The following FRMD4A variants were observed in gnomAD, a reference collection of about 807,000 sequenced individuals.
The protein encoded by FRMD4A is FERM domain containing 4A.
A neutral mutation model predicts 129.1 loss-of-function variants in FRMD4A; 29 were observed. The ratio of observed to expected loss-of-function variants is 0.22; its 90% CI spans 0.17 to 0.31. The LOEUF (loss-of-function observed/expected upper bound fraction) is 0.31, where lower values mean the gene tolerates loss of function less well. Ranked by LOEUF, FRMD4A falls within the 10% of genes least tolerant of loss-of-function variation. The pLI is 1.00. For synonymous variants in FRMD4A, 634 were observed against 571.6 expected (o/e 1.11, Z -1.56); for missense variants, 1,272 against 1,375.8 (o/e 0.92, Z 1.19).
chr10:14,110,593 C>G (rs1010410879), intron 2 of FRMD4A, among the ~76,000 whole-genome samples: 1 of 152,134 alleles, frequency 6.6e-6, no homozygotes, highest in African/African-American at 2.4e-5. Context: ...AATGGTCCAT[C>G]TAGTCACCTG....
intron 2 of FRMD4A, among the ~76,000 whole-genome samples, chr10:14,141,573 C>T (rs548530060): frequency 1.1e-5 from 1 of 91,532 alleles, no homozygotes; most frequent in East Asian, 5.4e-4. Flanking sequence ...GCCCCTAACC[C>T]CTTCTCTACC....
chr10:13,868,821 T>A (rs774793216), intron 2 of FRMD4A, among the ~76,000 whole-genome samples: 3 of 151,852 alleles, frequency 2.0e-5, no homozygotes, highest in Non-Finnish European at 2.9e-5. Flanking sequence ...ACAAAACACA[T>A]GCAGGTGTGT....
intron 21 of FRMD4A, among the ~76,000 whole-genome samples, chr10:13,657,790 T>TG (rs1554826512): frequency 2.0e-5 from 3 of 147,750 alleles, no homozygotes; most frequent in East Asian, 2.0e-4. Flanking sequence ...ATTTCTGGGT[T>TG]TTTTTTTTTT....
At chr10:14,093,561 A>G (rs1373184233) in intron 2 of FRMD4A, among the ~76,000 whole-genome samples, 1 of 152,188 alleles carries the variant, frequency 6.6e-6, no homozygotes, top group Non-Finnish European at 1.5e-5. Flanking sequence ...ACCCACTCAT[A>G]CATAATAAAG....
intron 2 of FRMD4A, among the ~76,000 whole-genome samples, chr10:14,131,321 G>C (rs374803924): frequency 6.6e-6 from 1 of 152,130 alleles, no homozygotes; most frequent in South Asian, 2.1e-4. Flanking sequence ...AGGAACTCTA[G>C]AATGAACAGA....
At chr10:14,255,518 G>A (rs10906638) in intron 2 of FRMD4A, among the ~76,000 whole-genome samples, 7,787 of 152,264 alleles carry the variant, frequency 0.051, 229 homozygotes, top group South Asian at 0.12. Flanking sequence ...GCACCACGAT[G>A]TTCAGAGTTT....
rs572404472 is a variant in FRMD4A at position 13,770,245 on chromosome 10, T to C, written c.385-7565A>G. Among the ~76,000 whole-genome samples, 18 of 152,108 alleles carry C rather than the reference T, an allele frequency of 1.2e-4. 1 individual carries two copies. The South Asian group carries it at 3.1e-3, about 26-fold the overall frequency. On this transcript the variant is annotated intron_variant, in intron 6 of 24. Transcript: ENST00000357447. ...ATCTCGCACAATTCCTCATTCTTAG[T>C]CCTCTGCCAGTTTTTCAGCATCAAG...
chr10:13,714,862 C>T (rs1430753493), intron 12 of FRMD4A, among the ~76,000 whole-genome samples: 1 of 150,014 alleles, frequency 6.7e-6, no homozygotes, highest in Non-Finnish European at 1.5e-5. Context: ...ACATGGTGAA[C>T]CTCTGTCTCT....
rs186358319 is a variant in FRMD4A at position 13,764,922 on chromosome 10, G to C, written c.385-2242C>G. On this transcript the variant is annotated intron_variant, in intron 6 of 24. Coordinates refer to ENST00000357447, the MANE Select transcript of FRMD4A (RefSeq NM_018027.5). ...GGCCTTAATGGCACTTAAGGGGCCG[G>C]GAACAGACCCCCTACTACTTGTCCA... is the stretch of plus-strand genomic sequence containing the variant. Among the ~76,000 whole-genome samples the C allele has an allele frequency of 3.6e-3, 544 of 152,166 alleles. 1 individual carries two copies. The highest frequency in any genetic ancestry group is 5.8e-3 in the South Asian group (28 of 4,814).
chr10:13,775,728 G>A (rs779403664), intron 6 of FRMD4A, among the ~76,000 whole-genome samples: 3 of 152,214 alleles, frequency 2.0e-5, no homozygotes, highest in Non-Finnish European at 4.4e-5. Flanking sequence ...GAGGTTGGAG[G>A]AGTCTAAGAG....
chr10:14,219,222 C>T (rs1219107909), intron 2 of FRMD4A, among the ~76,000 whole-genome samples: 3 of 152,056 alleles, frequency 2.0e-5, no homozygotes, highest in East Asian at 1.9e-4. Flanking sequence ...AGGGTAGGTT[C>T]CCTTTGTGAC....
At chr10:13,756,949 G>A (rs2091890885) in intron 8 of FRMD4A, among the ~76,000 whole-genome samples, 1 of 152,148 alleles carries the variant, frequency 6.6e-6, no homozygotes, top group African/African-American at 2.4e-5. Flanking sequence ...ACTTTTTAAG[G>A]AAGAGAACAT....
chr10:14,158,632 A>G (rs1347245571), intron 2 of FRMD4A, among the ~76,000 whole-genome samples: 1 of 151,964 alleles, frequency 6.6e-6, no homozygotes, highest in Non-Finnish European at 1.5e-5. Context: ...AAATAAAAAA[A>G]AAGAAAGAGG....
At chr10:13,881,447 T>A (rs1030989078) in intron 2 of FRMD4A, among the ~76,000 whole-genome samples, 2 of 150,862 alleles carry the variant, frequency 1.3e-5, no homozygotes, top group East Asian at 3.9e-4. Flanking sequence ...AGAAAGAGAG[T>A]TGTCACACTA....
At position 13,643,787 on chromosome 10, in the gene FRMD4A, C is replaced by A. The variant is rs1199177518; in HGVS notation, c.*3251G>T. On this transcript the variant is annotated 3_prime_UTR_variant, in exon 25 of 25. Transcript: ENST00000357447. The stretch of plus-strand genomic sequence containing the variant: ...AAAGGTACTATACAAATTCTTAATA[C>A]AAAAAGAATAAATTAAAAGCAGATT... 1 of 152,610 alleles carries A rather than the reference C, an allele frequency of 6.6e-6. No homozygotes were observed. The highest frequency in any genetic ancestry group is 6.5e-5 in the Admixed American group (1 of 15,274). The allele number at this position is 152,610 out of a possible 1,614,324, so 9.5% of individuals were successfully genotyped here.
In FRMD4A at chr10:13,646,264, AAAG is replaced by A. The variant is rs763004159; in HGVS notation, c.*771_*773del. 1 of 152,658 alleles carries A rather than the reference AAAG, an allele frequency of 6.6e-6. No homozygotes were observed. Among genetic ancestry groups the A allele is most frequent in the Non-Finnish European group, 1.5e-5 (1 of 68,050 alleles). 9.5% of individuals were successfully genotyped at this position (152,658 alleles called of 1,614,324 possible). A position where few individuals can be genotyped will look rare whatever the true frequency, so the allele number is the denominator to read the frequency against. On this transcript the variant is annotated 3_prime_UTR_variant, in exon 25 of 25. Transcript: ENST00000357447. ...GTGTGTAGTAGCAGTTCAGAATTTAAAAGAAATTTCCTTGCAGAAAGAATGTCT... is the reference window on the plus strand; with the variant it reads ...GTGTGTAGTAGCAGTTCAGAATTTAAAAATTTCCTTGCAGAAAGAATGTCT...
chr10:14,310,377 G>C (rs1341731535), intron 2 of FRMD4A, among the ~76,000 whole-genome samples: 1 of 152,194 alleles, frequency 6.6e-6, no homozygotes, highest in African/African-American at 2.4e-5. Context: ...GGGTCAAAGA[G>C]TCCTCGGCAG....
At chr10:14,228,368 A>G (rs576599259) in intron 2 of FRMD4A, among the ~76,000 whole-genome samples, 2 of 151,910 alleles carry the variant, frequency 1.3e-5, no homozygotes, top group Non-Finnish European at 2.9e-5. Context: ...GCTTAAGTTT[A>G]TTGTTTGAGC....
chr10:13,865,563 A>T (rs889523621), intron 2 of FRMD4A, among the ~76,000 whole-genome samples: 20 of 151,460 alleles, frequency 1.3e-4, no homozygotes, highest in Admixed American at 1.1e-3. Context: ...CGATCCTCCC[A>T]CCTCAGCCTC....
Sources: allele counts gnomAD v4.1 joint callset (sites outside exome capture counted in the v4.1 genomes callset), GRCh38; gene constraint gnomAD v4.1.1; transcripts MANE v1.5; gene names NCBI Gene and HGNC (gene_info 2026-07-23, HGNC 2026-07-21).